Variants in ZNF536 observed in about 807,000 individuals in gnomAD.
ZNF536 encodes zinc finger protein 536.
ZNF536 carries 13 observed loss-of-function variants against 84.5 expected under a neutral mutation model. The observed-to-expected ratio is 0.15, with a 90% CI of 0.10 to 0.24. The LOEUF (loss-of-function observed/expected upper bound fraction) is 0.24. ZNF536 is among the 10% of genes least tolerant of loss of function. The probability of loss-of-function intolerance (pLI) is 1.00; values close to 1 mark genes in which losing one functional copy is unlikely to be tolerated. For synonymous variants in ZNF536, 811 were observed against 742.5 expected (o/e 1.09, Z -1.50); for missense variants, 1,536 against 1,747.5 (o/e 0.88, Z 2.16).
chr19:30,350,945 G>T (rs750031614), intron 2 of ZNF536, among the ~76,000 whole-genome samples: 1 of 152,164 alleles, frequency 6.6e-6, no homozygotes, highest in Non-Finnish European at 1.5e-5. Context: ...TGGCTGGAAC[G>T]TGGGGCATTA....
At chr19:30,321,557 T>TA (rs904219010) in intron 2 of ZNF536, among the ~76,000 whole-genome samples, 1 of 151,902 alleles carries the variant, frequency 6.6e-6, no homozygotes, top group Admixed American at 6.6e-5. Flanking sequence ...GACTCTGTCT[T>TA]AAAAAAATAA....
At chr19:30,561,728 C>T (rs1421615163), downstream of ZNF536, among the ~76,000 whole-genome samples, 2 of 152,172 alleles carry the variant, frequency 1.3e-5, no homozygotes, top group African/African-American at 2.4e-5. Context: ...ATTTACACAC[C>T]AGCTTTTCCT....
chr19:30,324,007 A>C lies in ZNF536; in HGVS notation c.-119-28361A>C, dbSNP rs541858079. The stretch of plus-strand genomic sequence containing the variant: ...CCCCCTTATTCACCTGTACTCACCC[A>C]TCATCCCATCCATCCATCCACCCAC... On this transcript the variant is annotated intron_variant, in intron 2 of 5. Coordinates refer to the ZNF536 transcript ENST00000585628. Among the ~76,000 whole-genome samples, 13 of 151,802 alleles carry C rather than the reference A, an allele frequency of 8.6e-5. No individual in the cohort carries two copies. The East Asian group carries it at 2.5e-3, about 29-fold the overall frequency.
At chr19:30,269,908 A>C (rs1286134771) in intron 1 of ZNF536, among the ~76,000 whole-genome samples, 1 of 152,238 alleles carries the variant, frequency 6.6e-6, no homozygotes. Context: ...GTTTTCAGGG[A>C]CGGCACTGTT....
chr19:30,535,482 T>C (rs1207656433), intron 3 of ZNF536, among the ~76,000 whole-genome samples: 1 of 152,184 alleles, frequency 6.6e-6, no homozygotes, highest in Non-Finnish European at 1.5e-5. Flanking sequence ...ACAGGGCAGC[T>C]GGAGTCCATC....
intron 1 of ZNF536, among the ~76,000 whole-genome samples, chr19:30,689,890 G>A (rs1005372813): frequency 6.6e-6 from 1 of 152,228 alleles, no homozygotes; most frequent in Non-Finnish European, 1.5e-5. Flanking sequence ...TTTGTTGCTA[G>A]ATACCAGAAA....
chr19:30,304,555 G>A (rs1316366071), intron 2 of ZNF536, among the ~76,000 whole-genome samples: 1 of 152,164 alleles, frequency 6.6e-6, no homozygotes, highest in East Asian at 1.9e-4. Flanking sequence ...CTCTGCGGGG[G>A]CCAACCACTG....
At chr19:30,238,480 C>A (rs759373372) in intron 1 of ZNF536, among the ~76,000 whole-genome samples, 4 of 152,108 alleles carry the variant, frequency 2.6e-5, no homozygotes, top group Non-Finnish European at 4.4e-5. Context: ...AAAACACATA[C>A]ATGCACACAA....
intron 2 of ZNF536, among the ~76,000 whole-genome samples, chr19:30,456,664 A>C (rs750377509): frequency 6.6e-6 from 1 of 152,196 alleles, no homozygotes; most frequent in South Asian, 2.1e-4. Flanking sequence ...TCAATCATTA[A>C]TTCACTTATT....
intron 2 of ZNF536, among the ~76,000 whole-genome samples, chr19:30,287,258 G>C (rs1311929088): frequency 7.0e-6 from 1 of 143,176 alleles, no homozygotes; most frequent in East Asian, 2.4e-4. Flanking sequence ...TGGGTAGGGT[G>C]ATGGATGGAT....
chr19:30,469,437 T>A (rs530596008), intron 2 of ZNF536, among the ~76,000 whole-genome samples: 18 of 152,106 alleles, frequency 1.2e-4, no homozygotes, highest in South Asian at 8.3e-4. Flanking sequence ...AAGAGGAACA[T>A]GGCAGGAGTC....
At chr19:30,346,815 T>C (rs1419871313) in intron 2 of ZNF536, among the ~76,000 whole-genome samples, 1 of 152,242 alleles carries the variant, frequency 6.6e-6, no homozygotes, top group African/African-American at 2.4e-5. Context: ...TACGCATACA[T>C]GTCTCTCTTT....
chr19:30,564,537 G>C (rs1009538985), intron 1 of ZNF536, among the ~76,000 whole-genome samples: 1 of 152,072 alleles, frequency 6.6e-6, no homozygotes, highest in African/African-American at 2.4e-5. Flanking sequence ...TGGTGGTCCT[G>C]GTGGTCAGGC....
chr19:30,396,171 GCCAGTCACCAAAAATC>G (rs2147414475), intron 1 of ZNF536, among the ~76,000 whole-genome samples: 1 of 152,242 alleles, frequency 6.6e-6, no homozygotes, highest in Admixed American at 6.5e-5. Context: ...AATAACAAAT[GCCAGTCACCAAAAATC>G]CCAGCCTTTT....
chr19:30,706,202 T>C (rs1454321216), intron 1 of ZNF536, among the ~76,000 whole-genome samples: 1 of 152,166 alleles, frequency 6.6e-6, no homozygotes. Flanking sequence ...AATAGACAGT[T>C]GGCTGGGCGC....
intron 2 of ZNF536, among the ~76,000 whole-genome samples, chr19:30,480,169 G>A (rs1034813360): frequency 9.2e-5 from 14 of 152,186 alleles, no homozygotes; most frequent in Admixed American, 3.3e-4. Context: ...CAATTTCACG[G>A]GAGTGTGGAG....
intron 2 of ZNF536, among the ~76,000 whole-genome samples, chr19:30,522,262 C>CACATGTATATATAT (rs2044375836): frequency 1.3e-4 from 1 of 7,636 alleles, no homozygotes; most frequent in African/African-American, 7.2e-4. Context: ...GATATATATA[C>CACATGTATATATAT]ATATATATAT....
At chr19:30,295,395 G>A (rs4507021) in intron 2 of ZNF536, among the ~76,000 whole-genome samples, 35,357 of 151,974 alleles carry the variant, frequency 0.23, 5,024 homozygotes, top group East Asian at 0.54. Flanking sequence ...GGGTAGTGTC[G>A]TGGATCTCCA....
rs1295513966 is a variant in ZNF536 at position 30,551,387 on chromosome 19, G to C, written c.3895+1873G>C. On this transcript the variant is annotated intron_variant, in intron 4 of 4. Coordinates refer to ENST00000355537, the MANE Select transcript of ZNF536 (RefSeq NM_014717.3). ...AGGTTGAATGGGAAGCCAACGTCAG[G>C]GAGCCTGCCGGGTCTTGAGAGCCTT... is the stretch of plus-strand genomic sequence containing the variant. Among the ~76,000 whole-genome samples, 3 of 152,174 alleles carry C rather than the reference G, an allele frequency of 2.0e-5. No individual in the cohort carries two copies. In the East Asian group the frequency reaches 5.8e-4, roughly 29 times the overall value.
Sources: gnomAD v4.1 joint callset for allele counts (sites outside exome capture counted in the v4.1 genomes callset) on GRCh38, gnomAD v4.1.1 for gene constraint, MANE v1.5 for transcripts, NCBI Gene and HGNC (gene_info 2026-07-23, HGNC 2026-07-21) for gene names.